Variants in CD247 observed in about 807,000 individuals in gnomAD.
CD247 encodes CD247 molecule, also known as T-cell surface glycoprotein CD3 zeta chain.
In CD247, 13 loss-of-function variants were observed where a neutral mutation model predicts 30.0. That is an observed-to-expected ratio of 0.43 (90% CI 0.28 to 0.69). The LOEUF is 0.69. Among genes scored for constraint, CD247 ranks in the 30% least tolerant of loss-of-function variants. CD247 has a pLI of 0.16. For synonymous variants in CD247, 72 were observed against 80.0 expected, an observed-to-expected ratio of 0.90 and a Z score of 0.53; for missense variants, 193 against 212.6, an observed-to-expected ratio of 0.91 and a Z score of 0.57.
At chr1:167,459,139 AT>A (rs111653505) in intron 1 of CD247, among the ~76,000 whole-genome samples, 10,977 of 147,212 alleles carry the variant, frequency 0.075, 1,000 homozygotes, top group African/African-American at 0.22. Context: ...TGTCTCAAAA[AT>A]TTTAAAAAAA....
At chr1:167,440,302 C>T (rs1003775927) in intron 2 of CD247, 2 of 337,592 alleles carry the variant, frequency 5.9e-6, no homozygotes, top group Non-Finnish European at 5.7e-6. Flanking sequence ...AGGGCCTTTT[C>T]AAGAGAAAGG....
chr1:167,443,259 G>T (rs1651922678), intron 1 of CD247, among the ~76,000 whole-genome samples: 1 of 152,184 alleles, frequency 6.6e-6, no homozygotes, highest in Non-Finnish European at 1.5e-5. Flanking sequence ...TCCAGCCCCA[G>T]CATCAGAGTG....
At chr1:167,506,628 G>T (rs1175443226) in intron 1 of CD247, among the ~76,000 whole-genome samples, 2 of 151,958 alleles carry the variant, frequency 1.3e-5, no homozygotes, top group African/African-American at 4.8e-5. Flanking sequence ...GAACTAAGTG[G>T]CAGCAACCCT....
intron 2 of CD247, chr1:167,439,822 C>A (rs547019980): frequency 4.0e-6 from 1 of 251,250 alleles, no homozygotes; most frequent in Admixed American, 5.0e-5. Context: ...ACCCCCGGAG[C>A]AGTGTACTGT....
At chr1:167,505,796 G>A (rs1406270565) in intron 1 of CD247, among the ~76,000 whole-genome samples, 4 of 152,234 alleles carry the variant, frequency 2.6e-5, no homozygotes, top group African/African-American at 9.6e-5. Context: ...TGTACCCCCT[G>A]AAACAGTTGA....
intron 1 of CD247, among the ~76,000 whole-genome samples, chr1:167,512,026 T>G (rs1055187807): frequency 6.6e-6 from 1 of 152,306 alleles, no homozygotes; most frequent in South Asian, 2.1e-4. Flanking sequence ...TTTGTTCTAA[T>G]GCTTTCTATT....
intron 1 of CD247, among the ~76,000 whole-genome samples, chr1:167,469,275 A>C (rs1653402436): frequency 6.6e-6 from 1 of 152,200 alleles, no homozygotes; most frequent in South Asian, 2.1e-4. Context: ...TTTGGCAAGA[A>C]GCATTTATAC....
Position 167,431,113 on chromosome 1 carries a change from C to G in CD247, c.*568G>C. ...CCTGGCTGACCCTCCCCTGCCCGCC[C>G]ACCTTCCCATGCCCCTGCAGCTCCC... On this transcript the variant is annotated 3_prime_UTR_variant, in exon 8 of 8. Transcript: ENST00000362089. The G allele has an allele frequency of 2.4e-6, 1 of 423,422 alleles. No homozygotes were observed. Among genetic ancestry groups the G allele is most frequent in the Non-Finnish European group, 4.2e-6 (1 of 239,762 alleles). 26.2% of individuals were successfully genotyped at this position (423,422 alleles called of 1,614,324 possible).
In CD247 at chr1:167,473,092, T is replaced by TACACACACAC. The variant is rs35004482; in HGVS notation, c.59-32335_59-32326dup. Among the ~76,000 whole-genome samples, 822 of 146,616 alleles carry TACACACACAC rather than the reference T, an allele frequency of 5.6e-3. 5 individuals are homozygous for TACACACACAC. The highest frequency in any genetic ancestry group is 0.011 in the Admixed American group (162 of 14,644). On this transcript the variant is annotated intron_variant, in intron 1 of 7. Coordinates refer to ENST00000362089, the MANE Select transcript of CD247 (RefSeq NM_198053.3). Reference sequence around the variant, plus strand: ...CTCCTTAGGCGTCTTCTTCAAGTTTTACACACACACACACACACACACACA... The same window carrying TACACACACAC: ...CTCCTTAGGCGTCTTCTTCAAGTTTTACACACACACACACACACACACACACACACACACA...
intron 5 of CD247, chr1:167,434,283 A>C (rs1651421077): frequency 3.2e-6 from 2 of 619,216 alleles, no homozygotes; most frequent in Non-Finnish European, 2.9e-6. Context: ...AGCCCTTTGG[A>C]GTCTCCTCCG....
intron 2 of CD247, chr1:167,439,798 C>T (rs982230183): frequency 1.2e-5 from 3 of 256,618 alleles, no homozygotes; most frequent in African/African-American, 6.7e-5. Flanking sequence ...GTCAAGATCC[C>T]GCCTCCTATC....
At chr1:167,461,705 G>T (rs751197253) in intron 1 of CD247, among the ~76,000 whole-genome samples, 1 of 151,982 alleles carries the variant, frequency 6.6e-6, no homozygotes, top group Non-Finnish European at 1.5e-5. Flanking sequence ...AAAATTAGCC[G>T]GCTGTGGTGG....
At chr1:167,461,980 G>A (rs975907137) in intron 1 of CD247, among the ~76,000 whole-genome samples, 1 of 152,212 alleles carries the variant, frequency 6.6e-6, no homozygotes, top group African/African-American at 2.4e-5. Flanking sequence ...CACAGCAGCA[G>A]GAGGGAGGTG....
chr1:167,505,279 G>A (rs145462481), intron 1 of CD247, among the ~76,000 whole-genome samples: 34 of 152,094 alleles, frequency 2.2e-4, no homozygotes, highest in African/African-American at 7.7e-4. Context: ...TGTTGTTGTT[G>A]TTGTTGAGAT....
intron 1 of CD247, among the ~76,000 whole-genome samples, chr1:167,472,953 T>C (rs966510265): frequency 1.3e-5 from 2 of 152,170 alleles, no homozygotes; most frequent in African/African-American, 4.8e-5. Context: ...GTGTGTGGAA[T>C]TCCTTGGCCT....
At chr1:167,480,397 G>A (rs144516829) in intron 1 of CD247, among the ~76,000 whole-genome samples, 2 of 152,276 alleles carry the variant, frequency 1.3e-5, no homozygotes, top group African/African-American at 2.4e-5. Flanking sequence ...CAGCATGCAC[G>A]CTACTGGTAC....
At chr1:167,432,940 ACC>A in intron 7 of CD247, 82 bp downstream of exon 7, 1 of 1,480,968 alleles carries the variant, frequency 6.8e-7, no homozygotes, top group Non-Finnish European at 9.4e-7. Context: ...AGCTGGTGCC[ACC>A]AGCAGGCAAA....
chr1:167,502,332 G>A (rs1269263428), intron 1 of CD247, among the ~76,000 whole-genome samples: 4 of 152,212 alleles, frequency 2.6e-5, no homozygotes, highest in Non-Finnish European at 5.9e-5. Flanking sequence ...CTTGGAAGAA[G>A]CTGGGAGGCA....
At chr1:167,457,879 T>A (rs1351281861) in intron 1 of CD247, 1 of 152,232 alleles carries the variant, frequency 6.6e-6, no homozygotes, top group Non-Finnish European at 1.5e-5. Context: ...GAAGCCCAGT[T>A]GTAGGCATCA....
Sources: gnomAD v4.1 joint callset for allele counts (sites outside exome capture counted in the v4.1 genomes callset) on GRCh38, gnomAD v4.1.1 for gene constraint, MANE v1.5 for transcripts, NCBI Gene and HGNC (gene_info 2026-07-23, HGNC 2026-07-21) for gene names.